Variants in MGST1 observed in about 807,000 individuals in gnomAD.
MGST1 encodes the protein microsomal glutathione S-transferase 1.
A neutral mutation model predicts 8.9 loss-of-function variants in MGST1; 5 were observed. That is an observed-to-expected ratio of 0.56 (90% CI 0.29 to 1.19). The LOEUF (loss-of-function observed/expected upper bound fraction) is 1.19. Ranked by LOEUF, MGST1 falls within the 50% of genes most tolerant of loss-of-function variation. The probability of loss-of-function intolerance (pLI) is 0.08; values close to 1 mark genes in which losing one functional copy is unlikely to be tolerated. For missense variants in MGST1, 182 were observed against 187.4 expected, an observed-to-expected ratio of 0.97 and a Z score of 0.17; for synonymous variants, 54 against 67.8, an observed-to-expected ratio of 0.80 and a Z score of 1.00.
Position 16,347,872 on chromosome 12 carries a change from G to A in MGST1, c.-23+162G>A, listed in dbSNP as rs577953282. ...GCTTTTCAATCGATCGCTTTTGAAAGGGAATTGTATTTCTGTCCCCGTGCG... is the reference window on the plus strand; with the variant it reads ...GCTTTTCAATCGATCGCTTTTGAAAAGGAATTGTATTTCTGTCCCCGTGCG... On this transcript the variant is annotated intron_variant, in intron 1 of 3. Coordinates refer to ENST00000396210, the MANE Select transcript of MGST1 (RefSeq NM_020300.5). The surrounding 1 kb of genome is among the most constrained non-coding windows in gnomAD (Gnocchi z 4.0). The A allele has an allele frequency of 6.6e-6, 1 of 152,372 alleles. No individual in the cohort carries two copies. The highest frequency in any genetic ancestry group is 2.1e-4 in the South Asian group (1 of 4,822). 9.4% of individuals were successfully genotyped at this position (152,372 alleles called of 1,614,324 possible). A position where few individuals can be genotyped will look rare whatever the true frequency, so the allele number is the denominator to read the frequency against.
chr12:16,431,974 CTCT>C (rs1404166012), intron 1 of MGST1, among the ~76,000 whole-genome samples: 1 of 152,130 alleles, frequency 6.6e-6, no homozygotes, highest in African/African-American at 2.4e-5. Context: ...TTTATAAAAT[CTCT>C]TCTTTAATCC....
intron 1 of MGST1, among the ~76,000 whole-genome samples, chr12:16,420,198 C>T (rs1940822620): frequency 6.6e-6 from 1 of 152,050 alleles, no homozygotes; most frequent in African/African-American, 2.4e-5. Context: ...AATAATTACA[C>T]TCAGGAGCAT....
chr12:16,495,131 G>T (rs1359780871), intron 4 of MGST1, among the ~76,000 whole-genome samples: 1 of 152,052 alleles, frequency 6.6e-6, no homozygotes, highest in Non-Finnish European at 1.5e-5. Context: ...CAATGTCCAG[G>T]ATAACAAACC....
rs747551181 is a variant in MGST1, at chr12:16,363,941, C to T, written c.368C>T (p.Thr123Ile). 9 of 1,613,814 alleles carry T rather than the reference C, an allele frequency of 5.6e-6. No homozygotes were observed. Among genetic ancestry groups the T allele is most frequent in the Admixed American group, 3.3e-5 (2 of 59,988 alleles). ...ATCTACCACACCATTGCATATTTGA[C>T]ACCCCTTCCCCAGCCAAATAGAGCT... ...ARIYHTIAYLTPLPQPNRALS... is the reference protein window; with the variant it reads ...ARIYHTIAYLIPLPQPNRALS... Residue 123 changes from threonine to isoleucine, a missense_variant, in exon 4 of 4, where the codon ACA becomes ATA. Transcript: ENST00000396210. This position sits in a 1 kb window ranked among gnomAD's most constrained non-coding sequence, Gnocchi z 4.6.
intron 4 of MGST1, chr12:16,514,088 C>T (rs1941594926): frequency 2.6e-6 from 1 of 383,378 alleles, no homozygotes; most frequent in African/African-American, 2.1e-5. Flanking sequence ...GTGAAGAAAA[C>T]AAAAATCTCT....
chr12:16,364,359 C>T lies in MGST1; in HGVS notation c.*318C>T. ...TAAAAGAATTGCACGTATGAGAAAC[C>T]TATATTTCAATACTGCTGAAACAGA... On this transcript the variant is annotated 3_prime_UTR_variant, in exon 4 of 4. Coordinates refer to ENST00000396210, the MANE Select transcript of MGST1 (RefSeq NM_020300.5). The surrounding 1 kb of genome is among the most constrained non-coding windows in gnomAD (Gnocchi z 5.7). 1 of 1,017,838 alleles carries T rather than the reference C, an allele frequency of 9.8e-7. No homozygotes were observed. The highest frequency in any genetic ancestry group is 1.2e-6 in the Non-Finnish European group (1 of 849,548). 63.1% of individuals were successfully genotyped at this position (1,017,838 alleles called of 1,614,324 possible).
chr12:16,383,072 T>G (rs1463753196), exon 1 of MGST1: 1 of 152,692 alleles, frequency 6.5e-6, no homozygotes. Context: ...GGAAAGGGAA[T>G]TCCCTGACCC....
At chr12:16,581,455 A>C (rs1188954844) in intron 4 of MGST1, among the ~76,000 whole-genome samples, 1 of 152,204 alleles carries the variant, frequency 6.6e-6, no homozygotes, top group Non-Finnish European at 1.5e-5. Flanking sequence ...AATACCTGAA[A>C]AATAATACTA....
chr12:16,405,140 A>G (rs1041220923), intron 1 of MGST1, among the ~76,000 whole-genome samples: 1 of 152,198 alleles, frequency 6.6e-6, no homozygotes, highest in Non-Finnish European at 1.5e-5. Context: ...CCAATGGCAA[A>G]CCAATCTCAA....
chr12:16,377,458 C>T (rs1940400395), downstream of MGST1, among the ~76,000 whole-genome samples: 1 of 151,838 alleles, frequency 6.6e-6, no homozygotes, highest in African/African-American at 2.4e-5. Context: ...CATCCATGTC[C>T]CTACAAAGGA....
At chr12:16,578,818 AAACAACAACAACAAC>A (rs201327858) in intron 4 of MGST1, among the ~76,000 whole-genome samples, 37 of 141,136 alleles carry the variant, frequency 2.6e-4, no homozygotes, top group Admixed American at 1.6e-3. Context: ...ATTCTGTCTC[AAACAACAACAACAAC>A]AACAACAACA....
At chr12:16,542,425 A>C (rs1289960861) in intron 4 of MGST1, among the ~76,000 whole-genome samples, 1 of 152,222 alleles carries the variant, frequency 6.6e-6, no homozygotes, top group Non-Finnish European at 1.5e-5. Flanking sequence ...CTTTCACTTG[A>C]AATATGGCAT....
Position 16,555,942 on chromosome 12 carries a change from G to A in MGST1, n.483-33586G>A, listed in dbSNP as rs931552426. Among the ~76,000 whole-genome samples, 10 of 151,920 alleles carry A rather than the reference G, an allele frequency of 6.6e-5. No homozygotes were observed. Among genetic ancestry groups the A allele is most frequent in the Non-Finnish European group, 1.5e-4 (10 of 67,992 alleles). On this transcript the variant is annotated intron_variant and non_coding_transcript_variant, in intron 4 of 4. Transcript: ENST00000538857. This position sits in a 1 kb window ranked among gnomAD's most constrained non-coding sequence, Gnocchi z 5.5. ...TGATGCTTCCCTAACACTTCAAGAA[G>A]GATGGCTCTCTCTTCCCTCAGTATA...
intron 1 of MGST1, chr12:16,402,039 C>T: frequency 6.3e-7 from 1 of 1,589,152 alleles, no homozygotes; most frequent in East Asian, 2.2e-5. Context: ...GCCATTCTTG[C>T]TTTCTTTAAT....
chr12:16,495,527 T>A (rs1433336094), intron 4 of MGST1, among the ~76,000 whole-genome samples: 1 of 152,102 alleles, frequency 6.6e-6, no homozygotes, highest in African/African-American at 2.4e-5. Flanking sequence ...TGCAAGGTGA[T>A]TTGGAACTTT....
chr12:16,535,227 G>C (rs1474422113), intron 4 of MGST1, among the ~76,000 whole-genome samples: 3 of 152,176 alleles, frequency 2.0e-5, no homozygotes, highest in African/African-American at 7.2e-5. Context: ...TCACCCTAGG[G>C]TGGGATCCAA....
intron 4 of MGST1, among the ~76,000 whole-genome samples, chr12:16,539,233 C>G (rs1336146122): frequency 6.6e-6 from 1 of 152,062 alleles, no homozygotes; most frequent in Non-Finnish European, 1.5e-5. Context: ...TGTTTCCCAT[C>G]AACTTCAGAT....
intron 4 of MGST1, among the ~76,000 whole-genome samples, chr12:16,455,611 T>G (rs1159185293): frequency 2.0e-5 from 3 of 151,732 alleles, no homozygotes; most frequent in African/African-American, 7.3e-5. Flanking sequence ...AACAGCAGAA[T>G]CAAGAAGCCT....
downstream of MGST1, among the ~76,000 whole-genome samples, chr12:16,443,299 A>T (rs1219768053): frequency 1.3e-5 from 2 of 151,840 alleles, no homozygotes; most frequent in Non-Finnish European, 2.9e-5. Flanking sequence ...AAATATATCT[A>T]AATCTTGTGT....
Sources: allele counts gnomAD v4.1 joint callset (sites outside exome capture counted in the v4.1 genomes callset), GRCh38; gene constraint gnomAD v4.1.1; non-coding constraint Gnocchi (gnomAD v3.1); transcripts MANE v1.5; gene names NCBI Gene and HGNC (gene_info 2026-07-23, HGNC 2026-07-21).